Variants in MEGF11 observed in about 807,000 individuals in gnomAD.
The protein encoded by MEGF11 is multiple EGF like domains 11, also known as multiple epidermal growth factor-like domains protein 11.
In MEGF11, 126 loss-of-function variants were observed where a neutral mutation model predicts 146.6. The ratio of observed to expected loss-of-function variants is 0.86; its 90% CI spans 0.74 to 1.00. The LOEUF is 1.00. Ranked by LOEUF, MEGF11 falls within the 50% of genes least tolerant of loss-of-function variation. MEGF11 has a pLI of 0.00. For synonymous variants in MEGF11, 532 were observed against 583.4 expected, an observed-to-expected ratio of 0.91 and a Z score of 1.27; for missense variants, 1,509 against 1,521.2, an observed-to-expected ratio of 0.99 and a Z score of 0.13.
At chr15:66,169,301 C>G (rs2090181800) in intron 1 of MEGF11, among the ~76,000 whole-genome samples, 4 of 152,230 alleles carry the variant, frequency 2.6e-5, no homozygotes. Context: ...CCTGATCTCC[C>G]TGGCTTCAGC....
intron 1 of MEGF11, among the ~76,000 whole-genome samples, chr15:66,195,433 G>T (rs541266700): frequency 6.6e-6 from 1 of 152,304 alleles, no homozygotes; most frequent in East Asian, 1.9e-4. Context: ...TCACATCGGG[G>T]TTGTGTCCTA....
At chr15:65,943,531 T>C (rs536840149) in intron 10 of MEGF11, among the ~76,000 whole-genome samples, 26 of 152,254 alleles carry the variant, frequency 1.7e-4, no homozygotes, top group South Asian at 8.3e-4. Flanking sequence ...GCCCTATGTG[T>C]GTCAGAGGTA....
At chr15:66,210,047 A>G (rs1339931997) in intron 1 of MEGF11, among the ~76,000 whole-genome samples, 1 of 152,092 alleles carries the variant, frequency 6.6e-6, no homozygotes, top group Non-Finnish European at 1.5e-5. Context: ...GCTGGTCTCA[A>G]ACTTCTGAGT....
At chr15:65,905,057 T>C (rs1327317262) in intron 24 of MEGF11, among the ~76,000 whole-genome samples, 1 of 152,206 alleles carries the variant, frequency 6.6e-6, no homozygotes, top group Non-Finnish European at 1.5e-5. Context: ...CATGTCTGGC[T>C]AATTTTTGTA....
chr15:66,054,663 T>C (rs1215586526), intron 5 of MEGF11, among the ~76,000 whole-genome samples: 1 of 152,154 alleles, frequency 6.6e-6, no homozygotes, highest in East Asian at 1.9e-4. Flanking sequence ...TTTAAAAGTA[T>C]CACAAGAAAG....
chr15:66,036,542 C>A (rs1567212035), intron 5 of MEGF11, among the ~76,000 whole-genome samples: 1 of 152,244 alleles, frequency 6.6e-6, no homozygotes, highest in Non-Finnish European at 1.5e-5. Context: ...CAGTGCTGCA[C>A]TGAGCATTCC....
At position 66,072,303 on chromosome 15, in the gene MEGF11, G is replaced by A. The variant is rs140956250; in HGVS notation, c.394+22099C>T. On this transcript the variant is annotated intron_variant, in intron 5 of 25. Transcript: ENST00000395614. The stretch of plus-strand genomic sequence containing the variant: ...AAGCTCCCCTAGTTTTTGGCCTGGT[G>A]GCTCCTCCTTGCATTCAAGTCTTGG... 1.5e-4 allele frequency among the ~76,000 whole-genome samples: 23 copies of A among 152,298 alleles called. No individual in the cohort carries two copies. The East Asian group carries it at 4.4e-3, about 29-fold the overall frequency.
At chr15:66,150,140 G>A (rs1228830970) in intron 1 of MEGF11, among the ~76,000 whole-genome samples, 1 of 152,240 alleles carries the variant, frequency 6.6e-6, no homozygotes, top group African/African-American at 2.4e-5. Context: ...GGGAGACAAA[G>A]CTTCTCTGAT....
intron 1 of MEGF11, among the ~76,000 whole-genome samples, chr15:66,156,076 C>T (rs2089746334): frequency 6.6e-6 from 1 of 152,142 alleles, no homozygotes; most frequent in African/African-American, 2.4e-5. Context: ...ATGGCCACAC[C>T]TGCACTTGGG....
chr15:65,970,123 A>C (rs901814771), intron 8 of MEGF11, among the ~76,000 whole-genome samples: 2 of 152,196 alleles, frequency 1.3e-5, no homozygotes, highest in Non-Finnish European at 2.9e-5. Context: ...AAGCCTTCAG[A>C]GGATGCAAAC....
At chr15:66,205,189 C>A (rs1267630050) in intron 1 of MEGF11, among the ~76,000 whole-genome samples, 1 of 152,024 alleles carries the variant, frequency 6.6e-6, no homozygotes, top group East Asian at 1.9e-4. Context: ...GCCTGGAGTT[C>A]CAGCTCTTTG....
intron 3 of MEGF11, among the ~76,000 whole-genome samples, chr15:66,120,245 AT>A (rs1422966509): frequency 6.6e-6 from 1 of 152,234 alleles, no homozygotes; most frequent in Non-Finnish European, 1.5e-5. Context: ...GGAAATCAAA[AT>A]GGGGTATTCA....
At chr15:66,251,160 C>G (rs2092364845) in intron 1 of MEGF11, among the ~76,000 whole-genome samples, 1 of 152,196 alleles carries the variant, frequency 6.6e-6, no homozygotes, top group South Asian at 2.1e-4. Flanking sequence ...GATTCTCACA[C>G]AAAGGCCCAG....
intron 5 of MEGF11, among the ~76,000 whole-genome samples, chr15:66,087,786 C>T (rs570385978): frequency 2.6e-4 from 40 of 152,134 alleles, no homozygotes; most frequent in Admixed American, 2.6e-3. Flanking sequence ...CAAACCAAAT[C>T]CAAAACCAGC....
chr15:66,184,755 G>A (rs995593326), intron 1 of MEGF11, among the ~76,000 whole-genome samples: 42 of 150,498 alleles, frequency 2.8e-4, no homozygotes, highest in Admixed American at 1.9e-3. Context: ...CCGTGTTTCC[G>A]TCTGCTCAGG....
intron 5 of MEGF11, among the ~76,000 whole-genome samples, chr15:66,038,415 A>G (rs1259128579): frequency 2.0e-5 from 3 of 152,196 alleles, no homozygotes; most frequent in Non-Finnish European, 4.4e-5. Flanking sequence ...TAAGGGAGCG[A>G]TGCCCTAAAG....
At chr15:65,992,451 G>GTGT (rs772342790) in intron 5 of MEGF11, among the ~76,000 whole-genome samples, 375 of 17,932 alleles carry the variant, frequency 0.021, 8 homozygotes, top group African/African-American at 0.042. Context: ...GTGTGTGTGT[G>GTGT]GGGGGGGGGG....
intron 4 of MEGF11, among the ~76,000 whole-genome samples, chr15:66,100,780 C>T (rs922835024): frequency 7.0e-6 from 1 of 143,780 alleles, no homozygotes; most frequent in African/African-American, 2.6e-5. Flanking sequence ...GTCACAGTTC[C>T]TTCTTTCGTG....
intron 5 of MEGF11, among the ~76,000 whole-genome samples, chr15:65,986,471 A>C (rs1414063312): frequency 6.6e-6 from 1 of 152,110 alleles, no homozygotes; most frequent in East Asian, 1.9e-4. Context: ...TTCCAGAGAA[A>C]TTTCCCACCA....
Sources: allele counts gnomAD v4.1 joint callset (sites outside exome capture counted in the v4.1 genomes callset), GRCh38; gene constraint gnomAD v4.1.1; transcripts MANE v1.5; gene names NCBI Gene and HGNC (gene_info 2026-07-23, HGNC 2026-07-21).